The following ARL3 variants were observed in gnomAD, a reference collection of about 807,000 sequenced individuals.
ARL3 encodes the protein ARF like GTPase 3.
ARL3 carries 9 observed loss-of-function variants against 26.0 expected under a neutral mutation model. The ratio of observed to expected loss-of-function variants is 0.35; its 90% CI spans 0.21 to 0.60. The LOEUF is 0.60. Among genes scored for constraint, ARL3 ranks in the 20% least tolerant of loss-of-function variants. The pLI is 0.78. For missense variants in ARL3, 158 were observed against 215.7 expected (o/e 0.73, Z 1.67); for synonymous variants, 71 against 78.4 (o/e 0.91, Z 0.50).
chr10:102,683,954 C>T (rs2064168920), intron 5 of ARL3, among the ~76,000 whole-genome samples: 2 of 152,196 alleles, frequency 1.3e-5, no homozygotes. Flanking sequence ...TTTCACATCG[C>T]TAAGGCTGGT....
At chr10:102,682,846 T>C (rs2064162353) in intron 5 of ARL3, among the ~76,000 whole-genome samples, 1 of 152,184 alleles carries the variant, frequency 6.6e-6, no homozygotes, top group South Asian at 2.1e-4. Context: ...TAGAATCAGA[T>C]GTCACCTGAC....
Position 102,673,951 on chromosome 10 carries a change from G to C in ARL3, c.*2943C>G, listed in dbSNP as rs1210327347. The C allele has an allele frequency of 6.6e-6, 1 of 152,606 alleles. No homozygotes were observed. The highest frequency in any genetic ancestry group is 6.5e-5 in the Admixed American group (1 of 15,274). The allele number at this position is 152,606 out of a possible 1,614,324, so 9.5% of individuals were successfully genotyped here. On this transcript the variant is annotated 3_prime_UTR_variant, in exon 6 of 6. Transcript: ENST00000260746. ...AAGAACTGGTCCCCGAGAAGGAAAG[G>C]AAAGGGAAATCAAAGCAAACTCTGA...
chr10:102,710,480 C>T (rs1344026999), intron 1 of ARL3, among the ~76,000 whole-genome samples: 2 of 152,128 alleles, frequency 1.3e-5, no homozygotes, highest in Admixed American at 6.6e-5. Context: ...AGGGAGACAG[C>T]GATTAGAAGT....
intron 3 of ARL3, among the ~76,000 whole-genome samples, chr10:102,690,738 A>T (rs908659564): frequency 2.6e-5 from 4 of 152,150 alleles, no homozygotes; most frequent in African/African-American, 9.7e-5. Context: ...AATGGAAGAT[A>T]CCCTATCCCC....
chr10:102,690,035 A>T (rs2064208574), intron 3 of ARL3, 92 bp from the exon 4 acceptor site: 1 of 743,260 alleles, frequency 1.3e-6, no homozygotes, highest in East Asian at 2.6e-5. Flanking sequence ...CCCAATCAGC[A>T]TATTCCAATT....
At position 102,690,886 on chromosome 10, in the gene ARL3, C is replaced by CTTTT. The variant is rs754286740; in HGVS notation, c.265-947_265-944dup. Among the ~76,000 whole-genome samples, 3 of 134,606 alleles carry CTTTT rather than the reference C, an allele frequency of 2.2e-5. 1 individual carries two copies. The highest frequency in any genetic ancestry group is 4.3e-4 in the East Asian group (2 of 4,668). The allele number at this position is 134,606 out of a possible 152,430, so 88.3% of individuals were successfully genotyped here. A position where few individuals can be genotyped will look rare whatever the true frequency, so the allele number is the denominator to read the frequency against. The stretch of plus-strand genomic sequence containing the variant: ...GAGTTACTCTTAGTCTTTCAAACCT[C>CTTTT]TTTTTTTTTTTTTTTTTTGAGATGG... On this transcript the variant is annotated intron_variant, in intron 3 of 5. Transcript: ENST00000260746.
intron 3 of ARL3, among the ~76,000 whole-genome samples, chr10:102,692,812 C>G (rs2064226201): frequency 6.6e-6 from 1 of 152,082 alleles, no homozygotes; most frequent in Admixed American, 6.5e-5. Flanking sequence ...GGGTTCATGC[C>G]ATTCTCCTGC....
At position 102,677,049 on chromosome 10, in the gene ARL3, C is replaced by G; in HGVS notation, c.502-108G>C. ...GGGTCCCAGGCCCTCCCTCCCAGACCGCCAGCTTTAGGGAGTTTGCTTGGC... is the reference window on the plus strand; with the variant it reads ...GGGTCCCAGGCCCTCCCTCCCAGACGGCCAGCTTTAGGGAGTTTGCTTGGC... On this transcript the variant is annotated intron_variant, in intron 5 of 5. Transcript: ENST00000260746. 7.7e-6 allele frequency: 10 copies of G among 1,291,320 alleles called. No individual in the cohort carries two copies. In the South Asian group the frequency reaches 1.2e-4, roughly 16 times the overall value. The allele number at this position is 1,291,320 out of a possible 1,614,324, so 80.0% of individuals were successfully genotyped here.
intron 1 of ARL3, among the ~76,000 whole-genome samples, chr10:102,708,909 T>TATATATATA (rs561344200): frequency 9.1e-4 from 73 of 80,384 alleles, no homozygotes; most frequent in Admixed American, 1.5e-3. Context: ...TATATATATA[T>TATATATATA]TTTTTTTTTT....
chr10:102,696,410 G>A (rs1039864426), intron 3 of ARL3, among the ~76,000 whole-genome samples: 10 of 151,650 alleles, frequency 6.6e-5, no homozygotes, highest in South Asian at 4.2e-4. Context: ...GATTACAGGC[G>A]CCCACCACCA....
At chr10:102,694,702 C>T (rs1309184047) in intron 3 of ARL3, among the ~76,000 whole-genome samples, 1 of 152,000 alleles carries the variant, frequency 6.6e-6, no homozygotes, top group Non-Finnish European at 1.5e-5. Flanking sequence ...TTTGTCTACT[C>T]TTTCTCTAAT....
intron 5 of ARL3, among the ~76,000 whole-genome samples, chr10:102,684,798 C>T (rs1344305015): frequency 2.0e-5 from 3 of 151,864 alleles, no homozygotes; most frequent in African/African-American, 7.2e-5. Context: ...ACCACCATGT[C>T]CGGCTGATTT....
chr10:102,703,805 C>T (rs534967708), intron 2 of ARL3, among the ~76,000 whole-genome samples: 1 of 151,882 alleles, frequency 6.6e-6, no homozygotes, highest in East Asian at 1.9e-4. Context: ...TTATGCTTTG[C>T]TTGCTTGCCC....
Position 102,699,355 on chromosome 10 carries a change from G to A in ARL3, c.264+18C>T, listed in dbSNP as rs368423217. 22 of 1,425,336 alleles carry A rather than the reference G, an allele frequency of 1.5e-5. No homozygotes were observed. The highest frequency in any genetic ancestry group is 1.4e-4 in the African/African-American group (10 of 71,088). 88.3% of individuals were successfully genotyped at this position (1,425,336 alleles called of 1,614,324 possible). ...GGCAGAAAATACTATGAATTAGTGC[G>A]TCAGAAGGAGTACTTACAAGAATAT... On this transcript the variant is annotated intron_variant, in intron 3 of 5. Transcript: ENST00000260746.
At chr10:102,690,154 T>C (rs2064209337) in intron 3 of ARL3, among the ~76,000 whole-genome samples, 1 of 152,154 alleles carries the variant, frequency 6.6e-6, no homozygotes. Flanking sequence ...CCTTCAGCAA[T>C]GCTCCAAAGT....
intron 2 of ARL3, 28 bp downstream of exon 2, chr10:102,705,318 C>A (rs781675536): frequency 5.7e-5 from 87 of 1,529,378 alleles, no homozygotes; most frequent in Non-Finnish European, 7.3e-5. Context: ...CTGTGTCACA[C>A]GGCATCTGGA....
rs544638326 is a variant in ARL3, at chr10:102,697,180, A to AT, written c.264+2192dup. Among the ~76,000 whole-genome samples the AT allele has an allele frequency of 5.5e-3, 802 of 145,228 alleles. 5 individuals are homozygous for AT. Among genetic ancestry groups the AT allele is most frequent in the African/African-American group, 0.014 (552 of 39,814 alleles). ...ATATAAATTTTTCAGCTTTATTATA[A>AT]TTTTTTTTTTTTTTTGAGAAAGAGA... is the stretch of plus-strand genomic sequence containing the variant. On this transcript the variant is annotated intron_variant, in intron 3 of 5. Transcript: ENST00000260746.
Position 102,689,925 on chromosome 10 carries a change from C to T in ARL3, c.283G>A (p.Ala95Thr). The change falls in exon 4 of 6, where the codon GCA becomes ACA. Residue 95 changes from alanine to threonine, a missense_variant. Physicochemically the swap from Ala to Thr is moderately conservative, Grantham distance 58. Transcript: ENST00000260746. ...TDILIYVIDS[A>T]DRKRFEETGQ... ...GTCTCTTCAAATCTTTTTCTGTCTG[C>T]ACTGTCGATTACATATATCTATAAA... 1 of 1,598,196 alleles carries T rather than the reference C, an allele frequency of 6.3e-7. No homozygotes were observed. Among genetic ancestry groups the T allele is most frequent in the Non-Finnish European group, 8.5e-7 (1 of 1,170,364 alleles).
intron 5 of ARL3, among the ~76,000 whole-genome samples, chr10:102,678,554 C>G (rs1191541246): frequency 6.6e-6 from 1 of 152,208 alleles, no homozygotes; most frequent in African/African-American, 2.4e-5. Flanking sequence ...GGGGCTCACA[C>G]AAACACTCAA....
Sources: gnomAD v4.1 joint callset for allele counts (sites outside exome capture counted in the v4.1 genomes callset) on GRCh38, gnomAD v4.1.1 for gene constraint, MANE v1.5 for transcripts, NCBI Gene and HGNC (gene_info 2026-07-23, HGNC 2026-07-21) for gene names.